Variants in BIRC6 observed in about 807,000 individuals in gnomAD.
BIRC6 encodes dual E2 ubiquitin-conjugating enzyme/E3 ubiquitin-protein ligase BIRC6.
A neutral mutation model predicts 503.3 loss-of-function variants in BIRC6; 98 were observed. That is an observed-to-expected ratio of 0.19 (90% CI 0.17 to 0.23). The LOEUF is 0.23. BIRC6 is among the 10% of genes least tolerant of loss of function. The pLI, the probability that BIRC6 is intolerant of heterozygous loss-of-function variation, is 1.00. For missense variants in BIRC6, 5,360 were observed against 5,806.0 expected, an observed-to-expected ratio of 0.92 and a Z score of 2.50; for synonymous variants, 2,240 against 2,078.7, an observed-to-expected ratio of 1.08 and a Z score of -2.11.
At chr2:32,516,408 C>T (rs986858760) in intron 55 of BIRC6, among the ~76,000 whole-genome samples, 4 of 150,124 alleles carry the variant, frequency 2.7e-5, no homozygotes, top group Admixed American at 6.7e-5. Context: ...CCCAGCTACT[C>T]GGGAGGCTGA....
rs940784067 is a variant in BIRC6, at chr2:32,514,182, A to G, written c.10569-808A>G. ...CAAAAAAATTAAAAATTAGCCAGGCATGGTGGCATGTTCCTCTATCCCTAA... is the reference window on the plus strand; with the variant it reads ...CAAAAAAATTAAAAATTAGCCAGGCGTGGTGGCATGTTCCTCTATCCCTAA... On this transcript the variant is annotated intron_variant, in intron 54 of 73. Coordinates refer to ENST00000421745, the MANE Select transcript of BIRC6 (RefSeq NM_016252.4). Among the ~76,000 whole-genome samples the G allele has an allele frequency of 5.3e-5, 8 of 152,134 alleles. No individual in the cohort carries two copies. The Middle Eastern group carries it at 0.01, about 195-fold the overall frequency.
intron 1 of BIRC6, among the ~76,000 whole-genome samples, chr2:32,358,567 A>C (rs529823450): frequency 5.3e-5 from 8 of 152,260 alleles, no homozygotes; most frequent in Non-Finnish European, 1.2e-4. Context: ...AATGTATACA[A>C]CTGTCTGCGT....
At chr2:32,614,665 T>C (rs1224720072) in intron 73 of BIRC6, among the ~76,000 whole-genome samples, 4 of 151,512 alleles carry the variant, frequency 2.6e-5, no homozygotes, top group Admixed American at 2.6e-4. Flanking sequence ...CCAACTCTAT[T>C]AAAAGAAAAT....
chr2:32,443,617 GT>G (rs2045647902), intron 20 of BIRC6, 29 bp downstream of exon 20: 1 of 1,480,644 alleles, frequency 6.8e-7, no homozygotes, highest in African/African-American at 1.4e-5. Flanking sequence ...ATCACAAATA[GT>G]TATAGTCATA....
At chr2:32,447,658 CCCCCCCT>C (rs1426446674) in intron 21 of BIRC6, among the ~76,000 whole-genome samples, 1 of 107,258 alleles carries the variant, frequency 9.3e-6, no homozygotes, top group Non-Finnish European at 2.0e-5. Flanking sequence ...AGGGGGCTGA[CCCCCCCT>C]CCCCCCTCCC....
chr2:32,579,220 TAAAG>T (rs2060501481), intron 66 of BIRC6, among the ~76,000 whole-genome samples: 1 of 151,482 alleles, frequency 6.6e-6, no homozygotes, highest in Non-Finnish European at 1.5e-5. Flanking sequence ...TGAGAGAAAT[TAAAG>T]AAAAAGGTCA....
chr2:32,400,799 A>G lies in BIRC6; in HGVS notation c.1035-364A>G, dbSNP rs557783432. 5.1e-4 allele frequency among the ~76,000 whole-genome samples: 77 copies of G among 152,372 alleles called. 1 individual carries two copies. The highest frequency in any genetic ancestry group is 9.1e-4 in the Non-Finnish European group (62 of 68,036). On this transcript the variant is annotated intron_variant, in intron 6 of 73. Coordinates refer to ENST00000421745, the MANE Select transcript of BIRC6 (RefSeq NM_016252.4). ...GGAGAATTTTAAATTGAAACATAGT[A>G]GTTAATCATTCAAAGCTGTAGGAAA...
Position 32,481,441 on chromosome 2 carries a change from C to T in BIRC6, c.7530C>T (p.Ala2510=), listed in dbSNP as rs1201804160. The T allele has an allele frequency of 1.2e-6, 2 of 1,609,958 alleles. No homozygotes were observed. The highest frequency in any genetic ancestry group is 4.5e-5 in the East Asian group (2 of 44,656). ...ATTTGGAAAAGGACCCTCTTGCAGCCAAGGTTTTTAAGGTATGATACATGA... is the reference window on the plus strand; with the variant it reads ...ATTTGGAAAAGGACCCTCTTGCAGCTAAGGTTTTTAAGGTATGATACATGA... The part of the protein sequence containing the change: ...DIDLEKDPLA[A]KVFKPISSTW... The change falls in exon 38 of 74, where the codon GCC becomes GCT. Residue 2510 remains alanine, a synonymous_variant. Transcript: ENST00000421745.
rs532661199 is a variant in BIRC6 at position 32,514,051 on chromosome 2, G to A, written c.10568+897G>A. On this transcript the variant is annotated intron_variant, in intron 54 of 73. Coordinates refer to ENST00000421745, the MANE Select transcript of BIRC6 (RefSeq NM_016252.4). ...TGTACCCCAGCCTGGGCAACAGAGC[G>A]AGACTCTGTCTCAAAAAAAATAACT... Among the ~76,000 whole-genome samples, 48 of 152,232 alleles carry A rather than the reference G, an allele frequency of 3.2e-4. 1 individual carries two copies. The highest frequency in any genetic ancestry group is 1.6e-4 in the Non-Finnish European group (11 of 67,994).
At chr2:32,406,930 A>G (rs1248107030) in intron 9 of BIRC6, among the ~76,000 whole-genome samples, 6 of 152,208 alleles carry the variant, frequency 3.9e-5, no homozygotes, top group Non-Finnish European at 5.9e-5. Context: ...GTGTGAAATT[A>G]TAGACATTAA....
At chr2:32,462,497 CCT>C (rs2048103057) in intron 23 of BIRC6, among the ~76,000 whole-genome samples, 1 of 152,038 alleles carries the variant, frequency 6.6e-6, no homozygotes, top group Non-Finnish European at 1.5e-5. Flanking sequence ...GTGGGATATG[CCT>C]CTCTCCATTT....
rs1248954074 is a variant in BIRC6 at position 32,477,494 on chromosome 2, C to T, written c.6979C>T (p.Arg2327Cys). The change falls in exon 35 of 74, where the codon CGT becomes TGT. Residue 2327 changes from arginine to cysteine, a missense_variant. Around this residue, in one of 16 missense-constraint regions of BIRC6, gnomAD observed 2,299 missense variants for 2,267.2 expected, o/e 1.01. Transcript: ENST00000421745. ...ACTTCCATTTACTCTGGCCCATGAG[C>T]GTTGTATCTCAGTAGTCCAGAAACT... ...EPLPFTLAHE[R>C]CISVVQKLVL... The T allele has an allele frequency of 2.5e-5, 40 of 1,613,730 alleles. No homozygotes were observed. Among genetic ancestry groups the T allele is most frequent in the African/African-American group, 4.0e-5 (3 of 74,886 alleles).
At chr2:32,516,432 C>T (rs1332870136) in intron 55 of BIRC6, among the ~76,000 whole-genome samples, 1 of 150,774 alleles carries the variant, frequency 6.6e-6, no homozygotes, top group African/African-American at 2.4e-5. Flanking sequence ...AGGGGAATTG[C>T]TTGAATCAGA....
intron 54 of BIRC6, 76 bp from the exon 55 acceptor site, chr2:32,514,914 C>A: frequency 1.7e-6 from 2 of 1,193,794 alleles, no homozygotes; most frequent in South Asian, 1.5e-5. Flanking sequence ...ATACTTTGAA[C>A]TATAACAGAA....
At chr2:32,542,124 A>T (rs956097994) in intron 61 of BIRC6, among the ~76,000 whole-genome samples, 1 of 151,914 alleles carries the variant, frequency 6.6e-6, no homozygotes, top group Non-Finnish European at 1.5e-5. Flanking sequence ...GTCTATATAT[A>T]TATATATATT....
chr2:32,429,142 G>T lies in BIRC6; in HGVS notation c.2873-4G>T, dbSNP rs759659183. 1 of 1,585,444 alleles carries T rather than the reference G, an allele frequency of 6.3e-7. No homozygotes were observed. Among genetic ancestry groups the T allele is most frequent in the Non-Finnish European group, 8.6e-7 (1 of 1,166,166 alleles). On this transcript the variant is annotated splice_region_variant and splice_polypyrimidine_tract_variant and intron_variant, in intron 10 of 73. Coordinates refer to ENST00000421745, the MANE Select transcript of BIRC6 (RefSeq NM_016252.4). ...ATGTATCTATGAAATTTACTACACT[G>T]TAGGTGGTGAGCTTCATTTTCTCCA...
Position 32,525,579 on chromosome 2 carries a change from C to A in BIRC6, c.11871C>A (p.Asn3957Lys), listed in dbSNP as rs151142466. The A allele has an allele frequency of 6.2e-7, 1 of 1,613,902 alleles. No homozygotes were observed. Among genetic ancestry groups the A allele is most frequent in the Admixed American group, 1.7e-5 (1 of 60,012 alleles). ...IGSTSGAEAA[N>K]KIITVPVFHL... ...GTACTTCAGGAGCAGAGGCTGCCAA[C>A]AAAATAATTACTGTCCCAGTGTTTC... is the stretch of plus-strand genomic sequence containing the variant. Residue 3957 changes from asparagine (N) to lysine (K), a missense_variant, in exon 59 of 74, where the codon AAC becomes AAA. Asn to Lys is a moderately conservative substitution (Grantham distance 94). Around this residue, in one of 16 missense-constraint regions of BIRC6, gnomAD observed 878 missense variants for 928.9 expected, o/e 0.95. Coordinates refer to ENST00000421745, the MANE Select transcript of BIRC6 (RefSeq NM_016252.4).
intron 66 of BIRC6, among the ~76,000 whole-genome samples, chr2:32,588,122 G>C (rs1371109495): frequency 6.6e-6 from 1 of 152,190 alleles, no homozygotes; most frequent in Admixed American, 6.5e-5. Context: ...CACTTTGGGA[G>C]GCAGGTGGAT....
intron 61 of BIRC6, among the ~76,000 whole-genome samples, chr2:32,536,407 C>T (rs1445294056): frequency 6.6e-6 from 1 of 152,126 alleles, no homozygotes; most frequent in Non-Finnish European, 1.5e-5. Flanking sequence ...ATGGTATTGC[C>T]TAGGTTTTCT....
Sources: gnomAD v4.1 joint callset for allele counts (sites outside exome capture counted in the v4.1 genomes callset) on GRCh38, gnomAD v4.1.1 for gene constraint, gnomAD v4.1.1 regional missense constraint, MANE v1.5 for transcripts, NCBI Gene and HGNC (gene_info 2026-07-23, HGNC 2026-07-21) for gene names.